PABPC4L: variants seen among roughly 807,000 people sequenced by gnomAD.
PABPC4L encodes the protein polyadenylate-binding protein 4-like.
For synonymous variants in PABPC4L, 169 were observed against 164.1 expected (o/e 1.03, Z -0.23); for missense variants, 452 against 451.4 (o/e 1.00, Z -0.01).
chr4:134,146,416 T>A, the PABPC4L span, among the ~76,000 whole-genome samples: 2 of 152,064 alleles, frequency 1.3e-5, no homozygotes, highest in African/African-American at 4.8e-5. Flanking sequence ...TATGGCTTTT[T>A]CACTCCCTTA....
the PABPC4L span, among the ~76,000 whole-genome samples, chr4:134,064,055 C>A: frequency 6.6e-6 from 1 of 151,946 alleles, no homozygotes; most frequent in Admixed American, 6.6e-5. Context: ...ATTCTAAAAC[C>A]AAACACATGC....
chr4:133,955,499 T>G, the PABPC4L span, among the ~76,000 whole-genome samples: 20 of 152,150 alleles, frequency 1.3e-4, no homozygotes, highest in Non-Finnish European at 2.6e-4. Flanking sequence ...CTTTTATGAA[T>G]TTGAATATTA....
chr4:133,970,854 A>G, the PABPC4L span, among the ~76,000 whole-genome samples: 1 of 152,160 alleles, frequency 6.6e-6, no homozygotes, highest in Non-Finnish European at 1.5e-5. Context: ...TGAATCAGAA[A>G]GCAAGCCCTG....
chr4:133,978,184 T>A, the PABPC4L span: 1 of 152,204 alleles, frequency 6.6e-6, no homozygotes, highest in African/African-American at 2.4e-5. Context: ...CATAGTAAGA[T>A]GTATATGTTC....
the PABPC4L span, among the ~76,000 whole-genome samples, chr4:134,001,319 C>T: frequency 2.0e-5 from 3 of 151,834 alleles, no homozygotes; most frequent in Non-Finnish European, 4.4e-5. Context: ...GAACTGGACC[C>T]ATGGTAGCTA....
At chr4:134,140,858 T>C in the PABPC4L span, among the ~76,000 whole-genome samples, 2 of 151,458 alleles carry the variant, frequency 1.3e-5, no homozygotes, top group East Asian at 1.9e-4. Flanking sequence ...TTGTTGGAAA[T>C]AAAATAAGTC....
At chr4:134,191,563 A>G (rs540240120), downstream of PABPC4L, among the ~76,000 whole-genome samples, 9 of 152,318 alleles carry the variant, frequency 5.9e-5, no homozygotes, top group African/African-American at 2.2e-4. Flanking sequence ...ATACAAATAT[A>G]TAGAAGTTAA....
chr4:133,957,533 G>T, the PABPC4L span, among the ~76,000 whole-genome samples: 1 of 152,120 alleles, frequency 6.6e-6, no homozygotes. Flanking sequence ...CTACCATTCT[G>T]GGGTCTAGAG....
the PABPC4L span, among the ~76,000 whole-genome samples, chr4:134,012,881 C>G: frequency 6.6e-6 from 1 of 152,284 alleles, no homozygotes; most frequent in Admixed American, 6.5e-5. Context: ...CATTTCAATT[C>G]CTTTCATTTT....
At chr4:134,164,285 A>T in the PABPC4L span, among the ~76,000 whole-genome samples, 1 of 149,558 alleles carries the variant, frequency 6.7e-6, no homozygotes, top group East Asian at 1.9e-4. Context: ...AAAAAAAAAA[A>T]AAAAAAATAG....
the PABPC4L span, among the ~76,000 whole-genome samples, chr4:134,124,791 A>G: frequency 6.6e-6 from 1 of 152,088 alleles, no homozygotes; most frequent in African/African-American, 2.4e-5. Context: ...ATTCAACAGG[A>G]GAGTACAAAG....
At chr4:133,998,576 G>T in the PABPC4L span, among the ~76,000 whole-genome samples, 1 of 151,930 alleles carries the variant, frequency 6.6e-6, no homozygotes, top group Non-Finnish European at 1.5e-5. Context: ...CCCTAGAAAA[G>T]ATCTGTGTTT....
At chr4:133,977,522 G>T in the PABPC4L span, among the ~76,000 whole-genome samples, 3 of 151,806 alleles carry the variant, frequency 2.0e-5, no homozygotes, top group South Asian at 2.1e-4. Context: ...CCATTTTTTT[G>T]ATATTTCTTC....
At chr4:133,969,492 C>T in the PABPC4L span, among the ~76,000 whole-genome samples, 1 of 152,128 alleles carries the variant, frequency 6.6e-6, no homozygotes, top group African/African-American at 2.4e-5. Flanking sequence ...GTGCAGCCAG[C>T]AGGAGTCCTT....
At chr4:134,029,238 C>A in the PABPC4L span, among the ~76,000 whole-genome samples, 13 of 152,138 alleles carry the variant, frequency 8.5e-5, no homozygotes, top group African/African-American at 2.9e-4. Flanking sequence ...GGAGGACGAC[C>A]TTTACTGTAC....
the PABPC4L span, among the ~76,000 whole-genome samples, chr4:134,035,965 A>T: frequency 6.6e-6 from 1 of 152,004 alleles, no homozygotes; most frequent in Non-Finnish European, 1.5e-5. Flanking sequence ...ATTAGAACTC[A>T]CTCACTATCA....
chr4:133,955,710 G>T, the PABPC4L span, among the ~76,000 whole-genome samples: 2 of 152,132 alleles, frequency 1.3e-5, no homozygotes, highest in Admixed American at 6.5e-5. Context: ...CTCATCAAAA[G>T]AATTTCTGCC....
the PABPC4L span, among the ~76,000 whole-genome samples, chr4:133,987,697 C>G: frequency 1.3e-5 from 2 of 152,088 alleles, no homozygotes; most frequent in Non-Finnish European, 2.9e-5. Context: ...GTGAATATTT[C>G]TTTAAAATTA....
In PABPC4L at chr4:134,200,324, A is replaced by C. The variant is rs1385677704; in HGVS notation, c.696T>G (p.Phe232Leu). Residue 232 changes from phenylalanine to leucine, a missense_variant, in exon 2 of 2, where the codon TTT becomes TTG. Transcript: ENST00000421491. Reference protein sequence around the residue: ...MTDSSGKSKGFGFVSFDSHEA... With the variant: ...MTDSSGKSKGLGFVSFDSHEA... ...CATGGCTATCAAAACTCACAAAGCC[A>C]AAGCCTTTGGATTTCCCACTGGAAT... 1 of 1,594,704 alleles carries C rather than the reference A, an allele frequency of 6.3e-7. No individual in the cohort carries two copies. Among genetic ancestry groups the C allele is most frequent in the Non-Finnish European group, 8.6e-7 (1 of 1,169,396 alleles).
Sources: gnomAD v4.1 joint callset for allele counts (sites outside exome capture counted in the v4.1 genomes callset) on GRCh38, gnomAD v4.1.1 for gene constraint, MANE v1.5 for transcripts, NCBI Gene and HGNC (gene_info 2026-07-23, HGNC 2026-07-21) for gene names.